COL25A1: variants seen among roughly 807,000 people sequenced by gnomAD.
COL25A1 encodes collagen type XXV alpha 1 chain.
Under a neutral mutation model 128.4 loss-of-function variants are expected in COL25A1, and 103 were observed. The ratio of observed to expected loss-of-function variants is 0.80; its 90% confidence interval spans 0.68 to 0.94. The LOEUF (loss-of-function observed/expected upper bound fraction) is 0.94, where lower values mean the gene tolerates loss of function less well. Among genes scored for constraint, COL25A1 ranks in the 40% least tolerant of loss-of-function variants. The pLI is 0.00. For synonymous variants in COL25A1, 279 were observed against 277.2 expected, an observed-to-expected ratio of 1.01 and a Z score of -0.06; for missense variants, 745 against 840.0, an observed-to-expected ratio of 0.89 and a Z score of 1.40.
intron 5 of COL25A1, among the ~76,000 whole-genome samples, chr4:109,017,456 A>G (rs1228569460): frequency 6.6e-6 from 1 of 152,206 alleles, no homozygotes; most frequent in Non-Finnish European, 1.5e-5. Flanking sequence ...GTGACACCCA[A>G]AGGATCCTGT....
chr4:109,178,835 CAAAAAAA>C (rs34132262), intron 3 of COL25A1, among the ~76,000 whole-genome samples: 7 of 47,558 alleles, frequency 1.5e-4, no homozygotes, highest in Middle Eastern at 0.014. Context: ...ACTCCATCTC[CAAAAAAA>C]AAAAAAAAAA....
intron 16 of COL25A1, among the ~76,000 whole-genome samples, chr4:108,890,719 T>A (rs933493399): frequency 6.6e-6 from 1 of 152,174 alleles, no homozygotes; most frequent in Non-Finnish European, 1.5e-5. Flanking sequence ...AGCTGTCTCA[T>A]CTGTACAAAT....
intron 3 of COL25A1, among the ~76,000 whole-genome samples, chr4:109,174,104 G>A (rs1387606564): frequency 6.6e-6 from 1 of 152,168 alleles, no homozygotes; most frequent in Non-Finnish European, 1.5e-5. Flanking sequence ...CCTTAAGGCT[G>A]CTTTCTAAAT....
intron 3 of COL25A1, among the ~76,000 whole-genome samples, chr4:109,124,940 T>C (rs936719118): frequency 2.6e-5 from 4 of 152,086 alleles, no homozygotes; most frequent in Non-Finnish European, 5.9e-5. Flanking sequence ...ACTGACCAAA[T>C]GTCCTGAAAG....
intron 3 of COL25A1, among the ~76,000 whole-genome samples, chr4:109,125,603 C>T (rs932147491): frequency 2.0e-5 from 3 of 152,112 alleles, no homozygotes; most frequent in African/African-American, 7.2e-5. Flanking sequence ...TTTCTGTGCC[C>T]GTGGTCACTG....
chr4:108,854,699 A>G (rs1736261345), intron 24 of COL25A1, among the ~76,000 whole-genome samples: 1 of 152,184 alleles, frequency 6.6e-6, no homozygotes, highest in Admixed American at 6.5e-5. Flanking sequence ...GATCATTAAA[A>G]AGTCAGGAAA....
intron 5 of COL25A1, among the ~76,000 whole-genome samples, chr4:109,020,837 T>A (rs953288909): frequency 1.2e-4 from 19 of 152,252 alleles, no homozygotes; most frequent in Non-Finnish European, 2.5e-4. Context: ...GGATACCTAA[T>A]ATTCCACTGA....
At chr4:108,953,637 G>T (rs1232793766) in intron 8 of COL25A1, among the ~76,000 whole-genome samples, 2 of 152,132 alleles carry the variant, frequency 1.3e-5, no homozygotes, top group Non-Finnish European at 2.9e-5. Flanking sequence ...TTTTGCCACA[G>T]ATGAAAGCAG....
intron 35 of COL25A1, among the ~76,000 whole-genome samples, chr4:108,823,061 A>C (rs1206961070): frequency 1.3e-5 from 2 of 152,158 alleles, no homozygotes; most frequent in Non-Finnish European, 2.9e-5. Context: ...TAAGGCCTAA[A>C]ACTTACACCA....
chr4:109,251,401 G>C (rs976779684), intron 3 of COL25A1, among the ~76,000 whole-genome samples: 3 of 152,064 alleles, frequency 2.0e-5, no homozygotes, highest in African/African-American at 7.2e-5. Context: ...GTCTGGATTG[G>C]GTTATTATAG....
intron 3 of COL25A1, among the ~76,000 whole-genome samples, chr4:109,137,980 A>ATGTGTGTGTGTGTGTG (rs1207564502): frequency 3.0e-5 from 2 of 65,742 alleles, no homozygotes; most frequent in African/African-American, 7.2e-5. Flanking sequence ...CATTTTATAT[A>ATGTGTGTGTGTGTGTG]TATATGTGTG....
chr4:109,194,731 C>G (rs1775887358), intron 3 of COL25A1, among the ~76,000 whole-genome samples: 1 of 152,020 alleles, frequency 6.6e-6, no homozygotes, highest in African/African-American at 2.4e-5. Flanking sequence ...TTAATGGCCC[C>G]CGTTCTTCAC....
chr4:109,029,418 T>G (rs141158086), intron 5 of COL25A1, among the ~76,000 whole-genome samples: 3 of 152,220 alleles, frequency 2.0e-5, no homozygotes, highest in Non-Finnish European at 2.9e-5. Flanking sequence ...CCTCTCACCA[T>G]GTAGGCATTT....
chr4:109,194,342 A>G (rs1000228279), intron 3 of COL25A1, among the ~76,000 whole-genome samples: 3 of 152,232 alleles, frequency 2.0e-5, no homozygotes, highest in African/African-American at 7.2e-5. Context: ...TCATAGTGTC[A>G]TGTATATCAT....
chr4:109,142,826 G>C (rs1770549029), intron 3 of COL25A1, among the ~76,000 whole-genome samples: 2 of 151,926 alleles, frequency 1.3e-5, no homozygotes, highest in Admixed American at 6.6e-5. Context: ...TGGGTCTCCT[G>C]AATACAGCAC....
chr4:109,010,838 T>A (rs1756516043), intron 5 of COL25A1, among the ~76,000 whole-genome samples: 1 of 152,232 alleles, frequency 6.6e-6, no homozygotes, highest in Non-Finnish European at 1.5e-5. Flanking sequence ...TTAGAGCTCA[T>A]CAAGTCTCTT....
rs566688650 is a variant in COL25A1, at chr4:109,023,538, T to C, written c.421-13163A>G. On this transcript the variant is annotated intron_variant, in intron 5 of 37. Coordinates refer to ENST00000399132, the MANE Select transcript of COL25A1 (RefSeq NM_198721.4). ...CTTGTTGGCATTGAGGCTGAAGAAC[T>C]TTCCAACGAGGAGCTAATTGAACTG... 1.0e-3 allele frequency among the ~76,000 whole-genome samples: 153 copies of C among 152,250 alleles called. 4 individuals carry two copies. The South Asian group carries it at 0.03, about 30-fold the overall frequency.
intron 3 of COL25A1, among the ~76,000 whole-genome samples, chr4:109,194,710 G>A (rs1233788035): frequency 2.6e-5 from 4 of 152,014 alleles, no homozygotes; most frequent in African/African-American, 4.8e-5. Flanking sequence ...ATAATCTCGT[G>A]GTAGATTGTA....
At chr4:109,023,529 C>T (rs1757954270) in intron 5 of COL25A1, among the ~76,000 whole-genome samples, 1 of 152,100 alleles carries the variant, frequency 6.6e-6, no homozygotes, top group African/African-American at 2.4e-5. Context: ...GGCATTGAGG[C>T]TGAAGAACTT....
Sources: gnomAD v4.1 joint callset for allele counts (sites outside exome capture counted in the v4.1 genomes callset) on GRCh38, gnomAD v4.1.1 for gene constraint, MANE v1.5 for transcripts, NCBI Gene and HGNC (gene_info 2026-07-23, HGNC 2026-07-21) for gene names.